Variants in RINT1 observed in about 807,000 individuals in gnomAD.
RINT1 encodes the protein RAD50 interactor 1, also known as RAD50-interacting protein 1.
RINT1 carries 75 observed loss-of-function variants against 97.7 expected under a neutral mutation model. The ratio of observed to expected loss-of-function variants is 0.77; its 90% CI spans 0.64 to 0.93. The LOEUF is 0.93. Among genes scored for constraint, RINT1 ranks in the 40% least tolerant of loss-of-function variants. The probability of loss-of-function intolerance (pLI) is 0.00; values close to 1 mark genes in which losing one functional copy is unlikely to be tolerated. For synonymous variants in RINT1, 303 were observed against 326.3 expected (o/e 0.93, Z 0.77); for missense variants, 892 against 925.2 (o/e 0.96, Z 0.47).
In RINT1 at chr7:105,563,908, G is replaced by C; in HGVS notation, c.1847G>C (p.Arg616Thr). 1.2e-6 allele frequency: 2 copies of C among 1,614,076 alleles called. No individual in the cohort carries two copies. The highest frequency in any genetic ancestry group is 1.7e-6 in the Non-Finnish European group (2 of 1,180,000). ...ACCCGTCAAGTAGACCACGTTTTTA[G>C]AGAAGTTAAAGATGCTGCAAAATTG... ...MLTRQVDHVF[R>T]EVKDAAKLYK... The change falls in exon 12 of 15, where the codon AGA becomes ACA. Residue 616 changes from arginine (R) to threonine (T), a missense_variant. By Grantham distance (71) the Arg-to-Thr change is moderately conservative. Coordinates refer to ENST00000257700, the MANE Select transcript of RINT1 (RefSeq NM_021930.6).
chr7:105,567,114 AACAGTATAAAAG>A lies in RINT1; in HGVS notation c.2187-3_2195del. 6.6e-7 allele frequency: 1 copy of A among 1,524,458 alleles called. No individual in the cohort carries two copies. Among genetic ancestry groups the A allele is most frequent in the Non-Finnish European group, 8.8e-7 (1 of 1,139,932 alleles). 94.4% of individuals were successfully genotyped at this position (1,524,458 alleles called of 1,614,324 possible). Reference sequence around the variant, plus strand: ...TCATTTCCCTCCTTTGTTTTCCCTAAACAGTATAAAAGAAGCCTGTATTGTTTTGAATTTGAA... The same window carrying A: ...TCATTTCCCTCCTTTGTTTTCCCTAAAAGCCTGTATTGTTTTGAATTTGAA... On this transcript the variant is annotated splice_acceptor_variant and splice_polypyrimidine_tract_variant and coding_sequence_variant and intron_variant, in exon 15 of 15. Transcript: ENST00000257700. LOFTEE classifies it high-confidence loss of function.
chr7:105,567,268 T>G lies in RINT1; in HGVS notation c.2336T>G (p.Ile779Ser), dbSNP rs1337308511. 2.5e-6 allele frequency: 4 copies of G among 1,609,392 alleles called. No homozygotes were observed. In the South Asian group the frequency reaches 3.4e-5, roughly 13 times the overall value. The change falls in exon 15 of 15, where the codon ATT (isoleucine) becomes AGT (serine). Residue 779 changes from isoleucine to serine, a missense_variant. Transcript: ENST00000257700. ...AAACTGGCTCAACAAGATGTTGAGA[T>G]TCTACTTAATTTGAGGACAAATTGG... ...IYKLAQQDVE[I>S]LLNLRTNWPN...
rs1586240510 is a variant in RINT1, at chr7:105,550,039, T to C, written c.997-16T>C. On this transcript the variant is annotated splice_polypyrimidine_tract_variant and intron_variant, in intron 7 of 14. Transcript: ENST00000257700. ...GGAATGACTTAAGAATTCAAACTAT[T>C]TTCCTCCTTCCTTAGCCAGAATGGT... The C allele has an allele frequency of 6.6e-7, 1 of 1,511,374 alleles. No homozygotes were observed. Among genetic ancestry groups the C allele is most frequent in the East Asian group, 2.3e-5 (1 of 44,122 alleles). 93.6% of individuals were successfully genotyped at this position (1,511,374 alleles called of 1,614,324 possible).
intron 11 of RINT1, among the ~76,000 whole-genome samples, chr7:105,556,902 A>G (rs997090719): frequency 1.3e-5 from 2 of 152,214 alleles, no homozygotes; most frequent in Non-Finnish European, 2.9e-5. Flanking sequence ...GAATTCTTTT[A>G]GATGTTTTAG....
chr7:105,532,472 C>T, intron 1 of RINT1, 115 bp downstream of exon 1: 5 of 1,228,742 alleles, frequency 4.1e-6, no homozygotes, highest in East Asian at 5.1e-5. Context: ...GAAGGTGCTT[C>T]CTGCGGCTTA....
At chr7:105,545,512 T>TTG (rs1790627367) in intron 4 of RINT1, among the ~76,000 whole-genome samples, 1 of 147,434 alleles carries the variant, frequency 6.8e-6, no homozygotes. Flanking sequence ...TCTGTAATAT[T>TTG]TGTATATATA....
At chr7:105,556,937 T>A (rs1791207684) in intron 11 of RINT1, among the ~76,000 whole-genome samples, 1 of 152,188 alleles carries the variant, frequency 6.6e-6, no homozygotes, top group Non-Finnish European at 1.5e-5. Flanking sequence ...TCAGAGGACC[T>A]TCAGAACTCC....
intron 11 of RINT1, among the ~76,000 whole-genome samples, chr7:105,559,267 A>G (rs1791321503): frequency 6.6e-6 from 1 of 151,380 alleles, no homozygotes. Context: ...GTGGCTGGGC[A>G]CGGTAGTTGT....
At chr7:105,542,334 C>CAA in intron 3 of RINT1, 74 bp from the exon 4 acceptor site, 6 of 1,143,800 alleles carry the variant, frequency 5.2e-6, no homozygotes, top group South Asian at 1.6e-5. Flanking sequence ...GATCCCCTCT[C>CAA]AAAAAAAAAA....
At chr7:105,542,977 C>A (rs112481948) in intron 4 of RINT1, among the ~76,000 whole-genome samples, 1 of 151,822 alleles carries the variant, frequency 6.6e-6, no homozygotes, top group African/African-American at 2.4e-5. Context: ...CTACACCTCC[C>A]GGGTTCATGC....
chr7:105,549,170 T>C (rs1377359078), intron 7 of RINT1, among the ~76,000 whole-genome samples: 1 of 151,514 alleles, frequency 6.6e-6, no homozygotes, highest in Non-Finnish European at 1.5e-5. Context: ...GTAATTTTAG[T>C]AGAGATGGGT....
chr7:105,551,843 G>T, intron 10 of RINT1, 136 bp downstream of exon 10: 1 of 608,266 alleles, frequency 1.6e-6, no homozygotes, highest in Non-Finnish European at 2.6e-6. Context: ...AGACGGGCAG[G>T]TTGCTTGAGC....
rs111923224 is a variant in RINT1 at position 105,559,209 on chromosome 7, A to G, written c.1671+3982A>G. ...CAGGAGTTTGAGACCAGCCTGGCCA[A>G]CATGGTGGAATCCCGTCTTTACTAA... On this transcript the variant is annotated intron_variant, in intron 11 of 14. Coordinates refer to ENST00000257700, the MANE Select transcript of RINT1 (RefSeq NM_021930.6). 5.6e-3 allele frequency among the ~76,000 whole-genome samples: 860 copies of G among 152,240 alleles called. 8 individuals are homozygous for G. Among genetic ancestry groups the G allele is most frequent in the African/African-American group, 0.02 (826 of 41,564 alleles).
chr7:105,551,114 G>A (rs1193695957), intron 9 of RINT1, among the ~76,000 whole-genome samples: 3 of 152,018 alleles, frequency 2.0e-5, no homozygotes, highest in Admixed American at 6.6e-5. Context: ...CTGCAGCCTC[G>A]ACCTCTGGGG....
intron 3 of RINT1, among the ~76,000 whole-genome samples, chr7:105,538,929 T>A (rs1257872357): frequency 6.6e-6 from 1 of 152,182 alleles, no homozygotes; most frequent in Non-Finnish European, 1.5e-5. Flanking sequence ...CCCTTCAGCA[T>A]GTGCACATAG....
chr7:105,552,860 G>A (rs1269703734), intron 10 of RINT1, among the ~76,000 whole-genome samples: 2 of 151,630 alleles, frequency 1.3e-5, no homozygotes, highest in African/African-American at 4.8e-5. Context: ...TTTTAGTAGA[G>A]ACGGGGTTTC....
intron 7 of RINT1, 97 bp downstream of exon 7, chr7:105,548,807 C>A: frequency 1.7e-6 from 2 of 1,204,762 alleles, no homozygotes; most frequent in Non-Finnish European, 2.3e-6. Flanking sequence ...ACTCTCTTCA[C>A]ATTTCTGTTT....
Position 105,544,980 on chromosome 7 carries a change from C to T in RINT1, c.516-1930C>T, listed in dbSNP as rs376949313. ...CTATTTTTATTCTGATGTACATTGT[C>T]TTTTTTTCAAGTAGTTTCTTCTTGC... On this transcript the variant is annotated intron_variant, in intron 4 of 14. Transcript: ENST00000257700. Among the ~76,000 whole-genome samples the T allele has an allele frequency of 1.1e-4, 16 of 151,838 alleles. No individual in the cohort carries two copies. The East Asian group carries it at 2.5e-3, about 24-fold the overall frequency.
At chr7:105,535,229 CTTTTTTT>C in intron 2 of RINT1, among the ~76,000 whole-genome samples, 1 of 129,398 alleles carries the variant, frequency 7.7e-6, no homozygotes, top group Non-Finnish European at 1.6e-5. Context: ...GCTTAAAAAC[CTTTTTTT>C]TTTTTTTTTT....
Sources: allele counts gnomAD v4.1 joint callset (sites outside exome capture counted in the v4.1 genomes callset), GRCh38; gene constraint gnomAD v4.1.1; transcripts MANE v1.5; gene names NCBI Gene and HGNC (gene_info 2026-07-23, HGNC 2026-07-21).